WWOX: variants seen among roughly 807,000 people sequenced by gnomAD.
The protein encoded by WWOX is WW domain containing oxidoreductase.
WWOX carries 69 observed loss-of-function variants against 46.2 expected under a neutral mutation model. That is an observed-to-expected ratio of 1.49 (90% CI 1.23 to 1.82). The LOEUF (loss-of-function observed/expected upper bound fraction) is 1.82. Ranked by LOEUF, WWOX falls within the 40% of genes most tolerant of loss-of-function variation. The pLI, the probability that WWOX is intolerant of heterozygous loss-of-function variation, is 0.00. For missense variants in WWOX, 919 were observed against 542.6 expected, an observed-to-expected ratio of 1.69 and a Z score of -6.89; for synonymous variants, 359 against 202.6, an observed-to-expected ratio of 1.77 and a Z score of -6.56.
At chr16:79,102,458 T>A (rs2049220837) in intron 8 of WWOX, among the ~76,000 whole-genome samples, 2 of 152,178 alleles carry the variant, frequency 1.3e-5, no homozygotes, top group South Asian at 4.1e-4. Flanking sequence ...ATTGGAGATT[T>A]GAAATGTGAG....
intron 8 of WWOX, among the ~76,000 whole-genome samples, chr16:79,148,962 T>C (rs955041075): frequency 9.2e-5 from 14 of 152,194 alleles, no homozygotes; most frequent in Non-Finnish European, 1.8e-4. Context: ...GGATTTTCTA[T>C]CTAGCCTGTC....
intron 5 of WWOX, among the ~76,000 whole-genome samples, chr16:78,171,550 AGAT>A (rs2035161608): frequency 6.6e-6 from 1 of 152,146 alleles, no homozygotes; most frequent in African/African-American, 2.4e-5. Context: ...GGCTTGGAAA[AGAT>A]GATCATTCGT....
At chr16:78,740,767 A>T (rs1480982007) in intron 8 of WWOX, among the ~76,000 whole-genome samples, 2 of 152,142 alleles carry the variant, frequency 1.3e-5, no homozygotes, top group Non-Finnish European at 2.9e-5. Context: ...CCTGGTGGAT[A>T]TCTTGGTTGC....
At chr16:78,653,883 T>C (rs956771950) in intron 8 of WWOX, among the ~76,000 whole-genome samples, 17 of 152,218 alleles carry the variant, frequency 1.1e-4, no homozygotes, top group African/African-American at 4.1e-4. Flanking sequence ...CGTTGTCTAT[T>C]ACATGCAGCA....
At chr16:79,025,279 G>C (rs1223641676) in intron 8 of WWOX, among the ~76,000 whole-genome samples, 1 of 152,168 alleles carries the variant, frequency 6.6e-6, no homozygotes, top group African/African-American at 2.4e-5. Context: ...AAAGGCCTGA[G>C]TTAAGACAGT....
At chr16:78,483,621 T>C (rs996816974) in intron 8 of WWOX, among the ~76,000 whole-genome samples, 10 of 152,134 alleles carry the variant, frequency 6.6e-5, no homozygotes, top group South Asian at 2.1e-4. Flanking sequence ...CACATACTTA[T>C]ACTGTGGGCT....
intron 7 of WWOX, among the ~76,000 whole-genome samples, chr16:78,430,016 C>T (rs1348076933): frequency 1.3e-5 from 2 of 152,060 alleles, no homozygotes; most frequent in Non-Finnish European, 2.9e-5. Flanking sequence ...TCTCATGCTG[C>T]TAAGAAAGAC....
At chr16:79,074,049 A>G (rs1351811264) in intron 8 of WWOX, among the ~76,000 whole-genome samples, 3 of 152,000 alleles carry the variant, frequency 2.0e-5, no homozygotes, top group African/African-American at 4.8e-5. Flanking sequence ...ACAGCAATAC[A>G]GTACTTCTGC....
At chr16:78,802,472 C>T (rs900436186) in intron 8 of WWOX, among the ~76,000 whole-genome samples, 4 of 152,032 alleles carry the variant, frequency 2.6e-5, no homozygotes, top group Non-Finnish European at 4.4e-5. Context: ...CTATATTAAT[C>T]TGGAATTTTA....
At chr16:78,422,810 CAT>C (rs200411920) in intron 6 of WWOX, among the ~76,000 whole-genome samples, 6 of 119,938 alleles carry the variant, frequency 5.0e-5, no homozygotes, top group East Asian at 2.3e-4. Flanking sequence ...TATACACACA[CAT>C]ATATATACAC....
At chr16:78,700,498 T>C (rs199774500) in intron 8 of WWOX, among the ~76,000 whole-genome samples, 6 of 152,160 alleles carry the variant, frequency 3.9e-5, no homozygotes, top group South Asian at 2.1e-4. Flanking sequence ...GAGGAACATA[T>C]TCAGTCCATA....
chr16:79,179,655 C>T (rs768668730), intron 8 of WWOX, among the ~76,000 whole-genome samples: 3 of 152,182 alleles, frequency 2.0e-5, no homozygotes, highest in Non-Finnish European at 2.9e-5. Context: ...TGTATTTGAG[C>T]CACTGGAAAT....
chr16:78,119,322 T>A (rs1011544708), intron 4 of WWOX, among the ~76,000 whole-genome samples: 10 of 152,182 alleles, frequency 6.6e-5, no homozygotes, highest in Non-Finnish European at 1.2e-4. Context: ...GAATTTCGCA[T>A]TGAGGAAGGT....
At chr16:78,160,622 T>C (rs976591013) in intron 4 of WWOX, among the ~76,000 whole-genome samples, 2 of 152,246 alleles carry the variant, frequency 1.3e-5, no homozygotes, top group Non-Finnish European at 2.9e-5. Context: ...ATCTTGTTAT[T>C]GATTTGTAAT....
At chr16:79,148,223 C>G (rs1206460396) in intron 8 of WWOX, among the ~76,000 whole-genome samples, 1 of 152,026 alleles carries the variant, frequency 6.6e-6, no homozygotes, top group Admixed American at 6.5e-5. Context: ...CATGTATGCC[C>G]ATGATAAATT....
At chr16:78,578,254 T>TTTTTTATA (rs1462537260) in intron 8 of WWOX, among the ~76,000 whole-genome samples, 1 of 31,630 alleles carries the variant, frequency 3.2e-5, no homozygotes, top group Non-Finnish European at 6.0e-5. Context: ...ATACCAAATT[T>TTTTTTATA]TATATATATA....
intron 8 of WWOX, among the ~76,000 whole-genome samples, chr16:79,067,874 A>C (rs1426561413): frequency 6.6e-6 from 1 of 152,092 alleles, no homozygotes; most frequent in Non-Finnish European, 1.5e-5. Flanking sequence ...CCCTTCTGGA[A>C]CCTTCCAAAG....
intron 8 of WWOX, among the ~76,000 whole-genome samples, chr16:78,820,736 T>G (rs1351456422): frequency 6.6e-6 from 1 of 152,134 alleles, no homozygotes; most frequent in Non-Finnish European, 1.5e-5. Context: ...TGAGAATCAT[T>G]CATTGTTTCA....
At chr16:78,718,854 T>G (rs369682061) in intron 8 of WWOX, among the ~76,000 whole-genome samples, 8 of 152,170 alleles carry the variant, frequency 5.3e-5, no homozygotes, top group Non-Finnish European at 1.2e-4. Flanking sequence ...AAGGCATGGA[T>G]GTGACTGAGG....
Sources: gnomAD v4.1 joint callset for allele counts (sites outside exome capture counted in the v4.1 genomes callset) on GRCh38, gnomAD v4.1.1 for gene constraint, MANE v1.5 for transcripts, NCBI Gene and HGNC (gene_info 2026-07-23, HGNC 2026-07-21) for gene names.